ZNF664: variants seen among roughly 807,000 people sequenced by gnomAD.
ZNF664 encodes the protein zinc finger protein 664.
ZNF664 carries 10 observed loss-of-function variants against 18.2 expected under a neutral mutation model. The observed-to-expected ratio is 0.55, with a 90% CI of 0.34 to 0.93. The LOEUF (loss-of-function observed/expected upper bound fraction) is 0.93, where lower values mean the gene tolerates loss of function less well. ZNF664 is among the 40% of genes least tolerant of loss of function. ZNF664 has a pLI of 0.02. For missense variants in ZNF664, 193 were observed against 319.0 expected, an observed-to-expected ratio of 0.61 and a Z score of 3.01; for synonymous variants, 119 against 104.2, an observed-to-expected ratio of 1.14 and a Z score of -0.86.
chr12:123,976,176 A>G (rs968876348), intron 2 of ZNF664, among the ~76,000 whole-genome samples: 5 of 152,232 alleles, frequency 3.3e-5, no homozygotes, highest in Non-Finnish European at 7.3e-5. Context: ...TACACGTATG[A>G]TCACAAACTG....
At chr12:123,997,117 T>A (rs931303124) in intron 3 of ZNF664, among the ~76,000 whole-genome samples, 1 of 152,216 alleles carries the variant, frequency 6.6e-6, no homozygotes, top group Non-Finnish European at 1.5e-5. Context: ...AAGTGAAATC[T>A]GCAACTTCTT....
At chr12:123,995,443 C>T (rs895355611) in intron 3 of ZNF664, among the ~76,000 whole-genome samples, 4 of 152,196 alleles carry the variant, frequency 2.6e-5, no homozygotes, top group Non-Finnish European at 5.9e-5. Flanking sequence ...CCAGGTGAGG[C>T]TGATAACGCT....
chr12:123,988,090 T>C lies in ZNF664; in HGVS notation c.-709T>C. On this transcript the variant is annotated 5_prime_UTR_variant, in exon 3 of 5. Coordinates refer to ENST00000337815, the MANE Select transcript of ZNF664 (RefSeq NM_152437.3). ...TCCTTCAGCCACTGTGGGCCCTGCCTCTGCCTGTTCTTCTGGAATGTCTTG... is the reference window on the plus strand; with the variant it reads ...TCCTTCAGCCACTGTGGGCCCTGCCCCTGCCTGTTCTTCTGGAATGTCTTG... 1 of 1,231,620 alleles carries C rather than the reference T, an allele frequency of 8.1e-7. No individual in the cohort carries two copies. Among genetic ancestry groups the C allele is most frequent in the Non-Finnish European group, 1.0e-6 (1 of 987,876 alleles). The allele number at this position is 1,231,620 out of a possible 1,614,324, so 76.3% of individuals were successfully genotyped here.
intron 3 of ZNF664, among the ~76,000 whole-genome samples, chr12:123,989,938 C>G (rs150801886): frequency 6.6e-4 from 101 of 152,258 alleles, no homozygotes; most frequent in African/African-American, 2.2e-3. Context: ...TAAGAGGTCA[C>G]CTGCTCTTGC....
chr12:123,976,049 T>A (rs1258574096), intron 2 of ZNF664, among the ~76,000 whole-genome samples: 1 of 152,212 alleles, frequency 6.6e-6, no homozygotes, highest in Non-Finnish European at 1.5e-5. Flanking sequence ...TTTTATGTAT[T>A]TTTCTTTCTT....
rs546410026 is a variant in ZNF664, at chr12:123,980,348, A to G, written c.-757+6328A>G. On this transcript the variant is annotated intron_variant, in intron 2 of 4. Coordinates refer to ENST00000337815, the MANE Select transcript of ZNF664 (RefSeq NM_152437.3). ...GGTCTAGATTTAGACAAAAATATAC[A>G]GTGCCTAGTACCTAAAAGGATGTGG... Among the ~76,000 whole-genome samples, 3 of 152,340 alleles carry G rather than the reference A, an allele frequency of 2.0e-5. No homozygotes were observed. In the East Asian group the frequency reaches 5.8e-4, roughly 29 times the overall value.
intron 2 of ZNF664, among the ~76,000 whole-genome samples, chr12:123,986,114 G>A (rs530487025): frequency 3.9e-5 from 6 of 152,014 alleles, no homozygotes; most frequent in Non-Finnish European, 8.8e-5. Flanking sequence ...CATGTCTGGC[G>A]GGGGGCTGGA....
chr12:123,995,076 C>T (rs1481050843), intron 3 of ZNF664, among the ~76,000 whole-genome samples: 2 of 152,156 alleles, frequency 1.3e-5, no homozygotes, highest in African/African-American at 2.4e-5. Context: ...ATTACAAGCC[C>T]ATTTTACAGA....
Position 123,993,484 on chromosome 12 carries a change from CTG to C in ZNF664, c.-661+5348_-661+5349del, listed in dbSNP as rs1956911345. Among the ~76,000 whole-genome samples, 8 of 152,192 alleles carry C rather than the reference CTG, an allele frequency of 5.3e-5. No homozygotes were observed. In the South Asian group the frequency reaches 1.7e-3, roughly 31 times the overall value. On this transcript the variant is annotated intron_variant, in intron 3 of 4. Coordinates refer to ENST00000337815, the MANE Select transcript of ZNF664 (RefSeq NM_152437.3). ...AGCAAAGATTAAGTGGACGAGACCTCTGTAACTTGAGTATCTAAGTCTTCCTA... is the reference window on the plus strand; with the variant it reads ...AGCAAAGATTAAGTGGACGAGACCTCTAACTTGAGTATCTAAGTCTTCCTA...
chr12:123,987,775 T>C (rs905472474), intron 2 of ZNF664, among the ~76,000 whole-genome samples: 1 of 152,202 alleles, frequency 6.6e-6, no homozygotes, highest in African/African-American at 2.4e-5. Flanking sequence ...ACGAGGCTAA[T>C]TGTGATAATG....
At position 124,011,951 on chromosome 12, in the gene ZNF664, A is replaced by G. The variant is rs1957139551; in HGVS notation, c.-194A>G. 5 of 1,416,660 alleles carry G rather than the reference A, an allele frequency of 3.5e-6. No individual in the cohort carries two copies. The highest frequency in any genetic ancestry group is 3.2e-5 in the South Asian group (2 of 61,854). 87.8% of individuals were successfully genotyped at this position (1,416,660 alleles called of 1,614,324 possible). The stretch of plus-strand genomic sequence containing the variant: ...TCGATAATAATACTGAGTGAGGAAC[A>G]CTATGCAGGAAGAAACCTTCCGTAG... On this transcript the variant is annotated 5_prime_UTR_variant, in exon 5 of 5. Coordinates refer to ENST00000337815, the MANE Select transcript of ZNF664 (RefSeq NM_152437.3).
intron 2 of ZNF664, among the ~76,000 whole-genome samples, chr12:123,978,113 A>G (rs1956717712): frequency 6.6e-6 from 1 of 152,190 alleles, no homozygotes; most frequent in African/African-American, 2.4e-5. Flanking sequence ...AGAAAATAAT[A>G]ATTAAAAATT....
In ZNF664 at chr12:124,012,439, A is replaced by G. The variant is rs772206288; in HGVS notation, c.295A>G (p.Ser99Gly). The change falls in exon 5 of 5, where the codon AGC becomes GGC. Residue 99 changes from serine to glycine, a missense_variant. Physicochemically the swap from Ser to Gly is moderately conservative, Grantham distance 56. Coordinates refer to ENST00000337815, the MANE Select transcript of ZNF664 (RefSeq NM_152437.3). ...CGAGTGTGGCAAAGCCTTCAATTGG[A>G]GCTCCCATCTTCAAATTCATATGAG... ...CYECGKAFNW[S>G]SHLQIHMRVH... The G allele has an allele frequency of 1.2e-6, 2 of 1,614,204 alleles. No homozygotes were observed. Among genetic ancestry groups the G allele is most frequent in the African/African-American group, 1.3e-5 (1 of 75,054 alleles).
At chr12:123,988,915 G>A (rs903720797) in intron 3 of ZNF664, among the ~76,000 whole-genome samples, 1 of 152,136 alleles carries the variant, frequency 6.6e-6, no homozygotes, top group African/African-American at 2.4e-5. Context: ...TCATGAAATT[G>A]TATGTTATTT....
intron 2 of ZNF664, among the ~76,000 whole-genome samples, chr12:123,987,230 A>G (rs1329262392): frequency 6.6e-6 from 1 of 152,178 alleles, no homozygotes; most frequent in East Asian, 1.9e-4. Context: ...AAAACATGTA[A>G]ATGTCCCATC....
In ZNF664 at chr12:124,012,364, C is replaced by T; in HGVS notation, c.220C>T (p.Leu74Phe). ...CGKDFSTTTK[L>F]NRHKKIHTVE... The stretch of plus-strand genomic sequence containing the variant: ...TAAGGATTTTAGCACTACAACAAAA[C>T]TTAATAGACATAAGAAAATCCACAC... The change falls in exon 5 of 5, where the codon CTT becomes TTT. Residue 74 changes from leucine (L) to phenylalanine (F), a missense_variant. This residue lies in a region of ZNF664 where 90 missense variants were observed against 118.9 expected (regional missense o/e 0.76). Transcript: ENST00000337815. 3.1e-6 allele frequency: 5 copies of T among 1,614,180 alleles called. No homozygotes were observed. Among genetic ancestry groups the T allele is most frequent in the Non-Finnish European group, 3.4e-6 (4 of 1,180,034 alleles).
In ZNF664 at chr12:124,012,429, C is replaced by T. The variant is rs1261604502; in HGVS notation, c.285C>T (p.Ala95=). 6.2e-7 allele frequency: 1 copy of T among 1,614,064 alleles called. No individual in the cohort carries two copies. The highest frequency in any genetic ancestry group is 8.5e-7 in the Non-Finnish European group (1 of 1,180,054). The change falls in exon 5 of 5, where the codon GCC becomes GCT. Residue 95 remains alanine, a synonymous_variant. Coordinates refer to ENST00000337815, the MANE Select transcript of ZNF664 (RefSeq NM_152437.3). ...KPYKCYECGK[A]FNWSSHLQIH... Reference sequence around the variant, plus strand: ...ATAAATGTTACGAGTGTGGCAAAGCCTTCAATTGGAGCTCCCATCTTCAAA... The same window carrying T: ...ATAAATGTTACGAGTGTGGCAAAGCTTTCAATTGGAGCTCCCATCTTCAAA...
At chr12:123,977,893 TGTAA>T (rs1442677564) in intron 2 of ZNF664, among the ~76,000 whole-genome samples, 1 of 151,854 alleles carries the variant, frequency 6.6e-6, no homozygotes, top group Non-Finnish European at 1.5e-5. Context: ...CTAAAGAAAA[TGTAA>T]GTAAATATTA....
intron 3 of ZNF664, among the ~76,000 whole-genome samples, chr12:124,008,655 C>T (rs962310991): frequency 7.9e-5 from 12 of 152,104 alleles, no homozygotes; most frequent in African/African-American, 2.9e-4. Flanking sequence ...TTGTTCAGTG[C>T]CTTGGGTCTC....
Sources: allele counts gnomAD v4.1 joint callset (sites outside exome capture counted in the v4.1 genomes callset), GRCh38; gene constraint gnomAD v4.1.1; regional missense constraint gnomAD v4.1.1; transcripts MANE v1.5; gene names NCBI Gene and HGNC (gene_info 2026-07-23, HGNC 2026-07-21).